NPAS2: variants seen among roughly 807,000 people sequenced by gnomAD.
The protein encoded by NPAS2 is neuronal PAS domain protein 2.
A neutral mutation model predicts 107.5 loss-of-function variants in NPAS2; 23 were observed. The ratio of observed to expected loss-of-function variants is 0.21; its 90% confidence interval spans 0.15 to 0.30. The LOEUF is 0.30. Among genes scored for constraint, NPAS2 ranks in the 10% least tolerant of loss-of-function variants. The probability of loss-of-function intolerance (pLI) is 1.00; values close to 1 mark genes in which losing one functional copy is unlikely to be tolerated. For missense variants in NPAS2, 756 were observed against 1,043.3 expected (o/e 0.72, Z 3.79); for synonymous variants, 403 against 417.5 (o/e 0.97, Z 0.42).
At chr2:100,942,875 C>A (rs564368972) in intron 5 of NPAS2, among the ~76,000 whole-genome samples, 33 of 152,302 alleles carry the variant, frequency 2.2e-4, no homozygotes, top group Non-Finnish European at 4.1e-4. Context: ...TGCTCAACAT[C>A]GTTTGTGCTT....
chr2:100,858,164 T>G (rs1286910393), intron 1 of NPAS2, among the ~76,000 whole-genome samples: 1 of 152,246 alleles, frequency 6.6e-6, no homozygotes, highest in Non-Finnish European at 1.5e-5. Context: ...GGGACTTTGC[T>G]GTAATTTCTA....
rs1212564643 is a variant in NPAS2 at position 100,826,240 on chromosome 2, G to A, written c.-23+5826G>A. 2.6e-5 allele frequency among the ~76,000 whole-genome samples: 4 copies of A among 152,150 alleles called. 1 individual carries two copies. The highest frequency in any genetic ancestry group is 2.9e-5 in the Non-Finnish European group (2 of 68,016). On this transcript the variant is annotated intron_variant, in intron 1 of 20. Coordinates refer to ENST00000335681, the MANE Select transcript of NPAS2 (RefSeq NM_002518.4). The stretch of plus-strand genomic sequence containing the variant: ...GGGCGGATCACGAGGTCAGGAGTTC[G>A]AGACAATCCTGGCCAACATGGTGAA...
intron 1 of NPAS2, chr2:100,878,267 G>A (rs1357929777): frequency 1.1e-5 from 11 of 985,268 alleles, no homozygotes; most frequent in South Asian, 9.4e-5. Context: ...CGAGGAGCTC[G>A]GGAGGGAGCC....
intron 4 of NPAS2, among the ~76,000 whole-genome samples, chr2:100,935,776 G>A (rs933906510): frequency 1.3e-5 from 2 of 152,118 alleles, no homozygotes; most frequent in African/African-American, 4.8e-5. Context: ...CTCCTAGAGG[G>A]CTTCATAGAT....
At chr2:100,934,768 G>C in intron 4 of NPAS2, 2 of 985,338 alleles carry the variant, frequency 2.0e-6, no homozygotes, top group Non-Finnish European at 2.4e-6. Flanking sequence ...GGGGGAGATG[G>C]GGAGCTCCCA....
intron 16 of NPAS2, chr2:100,987,782 A>G (rs146846152): frequency 5.0e-6 from 2 of 396,896 alleles, no homozygotes; most frequent in African/African-American, 4.0e-5. Flanking sequence ...CAAGTACATC[A>G]CATTATTTAG....
intron 1 of NPAS2, among the ~76,000 whole-genome samples, chr2:100,825,999 C>G (rs1299485131): frequency 6.6e-6 from 1 of 152,140 alleles, no homozygotes; most frequent in Non-Finnish European, 1.5e-5. Flanking sequence ...GAAACCATTA[C>G]CAGATGAAGC....
chr2:100,932,364 G>A (rs982524092), intron 3 of NPAS2, among the ~76,000 whole-genome samples: 3 of 152,240 alleles, frequency 2.0e-5, no homozygotes, highest in Non-Finnish European at 4.4e-5. Flanking sequence ...TTTGAGAAGA[G>A]TACATTATGT....
intron 2 of NPAS2, among the ~76,000 whole-genome samples, chr2:100,906,755 G>A (rs1682175347): frequency 1.3e-5 from 2 of 152,192 alleles, no homozygotes; most frequent in Admixed American, 6.5e-5. Context: ...TTCGCTGGGT[G>A]CCCACAGTAC....
At chr2:100,967,351 T>C (rs1171449942) in intron 10 of NPAS2, among the ~76,000 whole-genome samples, 2 of 141,530 alleles carry the variant, frequency 1.4e-5, no homozygotes, top group African/African-American at 5.4e-5. Context: ...CTCAGCCTCG[T>C]GAGTAGCTGG....
chr2:100,870,071 AT>A (rs1280908285), intron 1 of NPAS2, among the ~76,000 whole-genome samples: 5 of 151,746 alleles, frequency 3.3e-5, no homozygotes, highest in Non-Finnish European at 4.4e-5. Flanking sequence ...CGCCAGGCTA[AT>A]TTTTTGTTTT....
At chr2:100,864,702 G>C (rs1679152890) in intron 1 of NPAS2, among the ~76,000 whole-genome samples, 2 of 152,176 alleles carry the variant, frequency 1.3e-5, no homozygotes, top group Non-Finnish European at 2.9e-5. Context: ...GTCAACATTT[G>C]TAACCAAGGA....
intron 1 of NPAS2, among the ~76,000 whole-genome samples, chr2:100,862,746 T>C (rs1180118239): frequency 3.3e-5 from 5 of 152,192 alleles, no homozygotes; most frequent in African/African-American, 1.2e-4. Flanking sequence ...ATAGTTTGGC[T>C]TTAGATTCTA....
At chr2:100,949,670 C>G (rs1191012199) in intron 7 of NPAS2, among the ~76,000 whole-genome samples, 190 bp downstream of exon 7, 6 of 152,186 alleles carry the variant, frequency 3.9e-5, no homozygotes, top group Non-Finnish European at 8.8e-5. Context: ...GGAACACACT[C>G]CCACACCTGT....
chr2:100,989,765 A>G (rs1215922985), intron 17 of NPAS2: 2 of 157,362 alleles, frequency 1.3e-5, no homozygotes, highest in Non-Finnish European at 2.8e-5. Flanking sequence ...GTGCAATGGT[A>G]CAGGAATGCT....
chr2:100,840,942 C>A (rs1677359380), intron 1 of NPAS2, among the ~76,000 whole-genome samples: 1 of 152,128 alleles, frequency 6.6e-6, no homozygotes, highest in Admixed American at 6.5e-5. Flanking sequence ...GGGTTTGCAT[C>A]TCTGCTCCAC....
intron 7 of NPAS2, among the ~76,000 whole-genome samples, chr2:100,956,239 A>G (rs1675559608): frequency 1.3e-5 from 2 of 152,114 alleles, no homozygotes; most frequent in South Asian, 2.1e-4. Flanking sequence ...GTACATGTGC[A>G]GGTCTGTCAC....
In NPAS2 at chr2:100,990,303, C is replaced by T. The variant is rs1369204575; in HGVS notation, c.1875C>T (p.Arg625=). The T allele has an allele frequency of 2.5e-6, 4 of 1,614,054 alleles. No homozygotes were observed. The highest frequency in any genetic ancestry group is 1.6e-4 in the Middle Eastern group (1 of 6,084). ...CACAGCTAATGCAGAGCAGCGGCCG[C>T]TCTGGAAGCAGCCTAGTGTCCCCGT... ...RSSQLMQSSG[R]SGSSLVSPFS... The change falls in exon 18 of 21, where the codon CGC becomes CGT. Residue 625 remains arginine, a synonymous_variant. Transcript: ENST00000335681.
chr2:100,875,031 A>G (rs1679866689), intron 1 of NPAS2, among the ~76,000 whole-genome samples: 1 of 152,230 alleles, frequency 6.6e-6, no homozygotes, highest in African/African-American at 2.4e-5. Flanking sequence ...TGATATTTTT[A>G]TCATTTTTAG....
Sources: allele counts gnomAD v4.1 joint callset (sites outside exome capture counted in the v4.1 genomes callset), GRCh38; gene constraint gnomAD v4.1.1; transcripts MANE v1.5; gene names NCBI Gene and HGNC (gene_info 2026-07-23, HGNC 2026-07-21).